The following CPLX4 variants were observed in gnomAD, a reference collection of about 807,000 sequenced individuals.
CPLX4 encodes complexin-4.
In CPLX4, 17 loss-of-function variants were observed where a neutral mutation model predicts 16.1. The ratio of observed to expected loss-of-function variants is 1.06; its 90% CI spans 0.72 to 1.59. The LOEUF is 1.59. Among genes scored for constraint, CPLX4 ranks in the 40% most tolerant of loss-of-function variants. CPLX4 has a pLI of 0.00. For missense variants in CPLX4, 193 were observed against 192.9 expected (o/e 1.00, Z 0.00); for synonymous variants, 55 against 57.8 (o/e 0.95, Z 0.22).
At chr18:59,298,771 C>T (rs945536514) in intron 2 of CPLX4, among the ~76,000 whole-genome samples, 7 of 152,136 alleles carry the variant, frequency 4.6e-5, no homozygotes, top group South Asian at 2.1e-4. Flanking sequence ...GTTGGAAGGA[C>T]GAGATGGCTG....
At chr18:59,304,478 T>C (rs1330216383) in intron 2 of CPLX4, among the ~76,000 whole-genome samples, 2 of 152,376 alleles carry the variant, frequency 1.3e-5, no homozygotes, top group Middle Eastern at 3.4e-3. Context: ...ATATCCAATC[T>C]GGACTAGTTA....
At position 59,296,803 on chromosome 18, in the gene CPLX4, C is replaced by T. The variant is rs35068407; in HGVS notation, c.378G>A (p.Gln126=). The T allele has an allele frequency of 1.4e-3, 2,236 of 1,613,808 alleles. 43 individuals carry two copies. The African/African-American group carries it at 0.027, about 20-fold the overall frequency. The change falls in exon 3 of 3, where the codon CAG becomes CAA. Residue 126 remains glutamine, a synonymous_variant. Coordinates refer to ENST00000299721, the MANE Select transcript of CPLX4 (RefSeq NM_181654.4). ...EEEDKDSILG[Q]IQNLQNMDLD... is the part of the protein sequence containing the mutation. The stretch of plus-strand genomic sequence containing the variant: ...AGTCCATGTTCTGGAGATTCTGTAT[C>T]TGCCCAAGAATAGAATCTTTATCTT...
chr18:59,308,471 T>A (rs2070592686), intron 2 of CPLX4, among the ~76,000 whole-genome samples: 1 of 151,924 alleles, frequency 6.6e-6, no homozygotes, highest in South Asian at 2.1e-4. Flanking sequence ...AGGCTTTTTT[T>A]TTTTCCTTTT....
intron 2 of CPLX4, among the ~76,000 whole-genome samples, chr18:59,305,238 G>A (rs1380572802): frequency 6.6e-6 from 1 of 152,114 alleles, no homozygotes; most frequent in African/African-American, 2.4e-5. Context: ...AACGAAGCAG[G>A]AGGAAGTGCT....
chr18:59,302,142 C>T (rs1378442204), intron 2 of CPLX4, among the ~76,000 whole-genome samples: 1 of 152,172 alleles, frequency 6.6e-6, no homozygotes, highest in East Asian at 1.9e-4. Flanking sequence ...GACACAGCAG[C>T]CTTGTTTCCT....
intron 2 of CPLX4, among the ~76,000 whole-genome samples, chr18:59,306,631 T>C (rs1407408938): frequency 6.6e-6 from 1 of 152,180 alleles, no homozygotes; most frequent in Non-Finnish European, 1.5e-5. Flanking sequence ...GTGAAACTCT[T>C]TTTCAGAGGA....
chr18:59,306,727 G>A (rs376696879), intron 2 of CPLX4, among the ~76,000 whole-genome samples: 2 of 152,236 alleles, frequency 1.3e-5, no homozygotes, highest in African/African-American at 4.8e-5. Flanking sequence ...GACAGCTCCC[G>A]GGAAGACATT....
chr18:59,298,915 G>A (rs952099745), intron 2 of CPLX4, among the ~76,000 whole-genome samples: 4 of 152,178 alleles, frequency 2.6e-5, no homozygotes, highest in African/African-American at 9.6e-5. Context: ...TCAAGAAATA[G>A]CTTGAGAAGC....
intron 2 of CPLX4, among the ~76,000 whole-genome samples, chr18:59,307,821 G>C (rs137960911): frequency 1.4e-5 from 2 of 143,046 alleles, no homozygotes; most frequent in African/African-American, 5.0e-5. Flanking sequence ...GCCCAATCTC[G>C]GCTCACTGCA....
Position 59,312,747 on chromosome 18 carries a change from G to A in CPLX4, c.193C>T (p.Gln65Ter), listed in dbSNP as rs2070626251. Residue 65 changes from glutamine to a stop codon, truncating the protein, a stop_gained, in exon 2 of 3, where the codon CAG becomes TAG. Coordinates refer to ENST00000299721, the MANE Select transcript of CPLX4 (RefSeq NM_181654.4). LOFTEE classifies it high-confidence loss of function. ...AGGCATGCCCTTTCTGCCTTTTTCT[G>A]TGTAAATGCAGCATCTCTTTCCATC... ...EKMERDAAFTQKKAERACLRV... is the reference protein window; with the variant it reads ...EKMERDAAFT 7.0e-7 allele frequency: 1 copy of A among 1,436,310 alleles called. No homozygotes were observed. Among genetic ancestry groups the A allele is most frequent in the Non-Finnish European group, 9.8e-7 (1 of 1,018,522 alleles). The allele number at this position is 1,436,310 out of a possible 1,614,324, so 89.0% of individuals were successfully genotyped here. A position where few individuals can be genotyped will look rare whatever the true frequency, so the allele number is the denominator to read the frequency against.
chr18:59,314,379 T>A (rs1194700221), intron 1 of CPLX4, among the ~76,000 whole-genome samples: 1 of 152,180 alleles, frequency 6.6e-6, no homozygotes, highest in Non-Finnish European at 1.5e-5. Flanking sequence ...ATTCCTCTCT[T>A]TATCCACATT....
rs957225423 is a variant in CPLX4, at chr18:59,318,155, A to T, written c.167+141T>A. On this transcript the variant is annotated intron_variant, in intron 1 of 2. Transcript: ENST00000299721. ...AGGGAACCGTTTACTTTAGAAGAAC[A>T]ACCTTTCCTTGGGTTAGAGGTAAAC... 7.2e-6 allele frequency: 10 copies of T among 1,384,512 alleles called. No homozygotes were observed. In the African/African-American group the frequency reaches 1.1e-4, roughly 16 times the overall value. The allele number at this position is 1,384,512 out of a possible 1,614,324, so 85.8% of individuals were successfully genotyped here.
At chr18:59,314,487 T>C (rs2070639334) in intron 1 of CPLX4, among the ~76,000 whole-genome samples, 2 of 152,232 alleles carry the variant, frequency 1.3e-5, no homozygotes, top group South Asian at 2.1e-4. Context: ...TGTTTGTTTA[T>C]AGTTTCTCTT....
At chr18:59,316,048 A>G (rs2070649051) in intron 1 of CPLX4, among the ~76,000 whole-genome samples, 1 of 152,224 alleles carries the variant, frequency 6.6e-6, no homozygotes, top group Non-Finnish European at 1.5e-5. Flanking sequence ...TGCTCATACT[A>G]GGGGTCCAAA....
chr18:59,297,018 G>A, intron 2 of CPLX4, 93 bp from the exon 3 acceptor site: 2 of 1,495,028 alleles, frequency 1.3e-6, no homozygotes, highest in Non-Finnish European at 1.8e-6. Flanking sequence ...AAGGTCTTTA[G>A]AGAATACAGG....
At chr18:59,302,387 A>G (rs2070547781) in intron 2 of CPLX4, among the ~76,000 whole-genome samples, 1 of 152,206 alleles carries the variant, frequency 6.6e-6, no homozygotes, top group Admixed American at 6.5e-5. Flanking sequence ...AGCTCCAGGG[A>G]GGGAGGGAAG....
chr18:59,300,033 TTA>T (rs2070529382), intron 2 of CPLX4, among the ~76,000 whole-genome samples: 1 of 152,190 alleles, frequency 6.6e-6, no homozygotes, highest in Non-Finnish European at 1.5e-5. Flanking sequence ...ACACAGACAA[TTA>T]TATGTTTACT....
intron 2 of CPLX4, among the ~76,000 whole-genome samples, chr18:59,305,806 A>T (rs1285510273): frequency 1.3e-5 from 2 of 152,212 alleles, no homozygotes; most frequent in African/African-American, 4.8e-5. Flanking sequence ...CTCGAGGACA[A>T]TGTGCAGGCT....
chr18:59,315,346 C>T (rs1279537956), intron 1 of CPLX4, among the ~76,000 whole-genome samples: 2 of 152,090 alleles, frequency 1.3e-5, no homozygotes, highest in Non-Finnish European at 2.9e-5. Context: ...ATCTATCTTT[C>T]TGAAGTATTT....
Sources: allele counts gnomAD v4.1 joint callset (sites outside exome capture counted in the v4.1 genomes callset), GRCh38; gene constraint gnomAD v4.1.1; transcripts MANE v1.5; gene names NCBI Gene and HGNC (gene_info 2026-07-23, HGNC 2026-07-21).